The following PPFIA2 variants were observed in gnomAD, a reference collection of about 807,000 sequenced individuals.
PPFIA2 encodes the protein PPFI scaffold protein A2.
Under a neutral mutation model 175.5 loss-of-function variants are expected in PPFIA2, and 46 were observed. That is an observed-to-expected ratio of 0.26 (90% CI 0.21 to 0.34). The LOEUF (loss-of-function observed/expected upper bound fraction) is 0.34, where lower values mean the gene tolerates loss of function less well. Among genes scored for constraint, PPFIA2 ranks in the 10% least tolerant of loss-of-function variants. The probability of loss-of-function intolerance (pLI) is 1.00; values close to 1 mark genes in which losing one functional copy is unlikely to be tolerated. For synonymous variants in PPFIA2, 568 were observed against 511.4 expected (o/e 1.11, Z -1.49); for missense variants, 1,179 against 1,506.1 (o/e 0.78, Z 3.60).
intron 4 of PPFIA2, among the ~76,000 whole-genome samples, chr12:81,650,968 G>A (rs2066935182): frequency 6.6e-6 from 1 of 152,204 alleles, no homozygotes; most frequent in Admixed American, 6.5e-5. Flanking sequence ...ATGAAATTAG[G>A]TCACTGGATT....
chr12:81,573,019 G>A (rs926624108), intron 4 of PPFIA2, among the ~76,000 whole-genome samples: 2 of 151,866 alleles, frequency 1.3e-5, no homozygotes, highest in Admixed American at 6.6e-5. Flanking sequence ...TATTGAGAGA[G>A]AGAGAGAGAG....
chr12:81,758,058 A>C (rs1369662300), intron 2 of PPFIA2, among the ~76,000 whole-genome samples: 1 of 152,108 alleles, frequency 6.6e-6, no homozygotes, highest in Non-Finnish European at 1.5e-5. Flanking sequence ...TAATGGACAC[A>C]TTTTACACTT....
intron 4 of PPFIA2, among the ~76,000 whole-genome samples, chr12:81,560,914 G>T (rs2069921970): frequency 3.9e-5 from 6 of 152,096 alleles, no homozygotes; most frequent in Admixed American, 3.9e-4. Context: ...CTTCTGATCA[G>T]GGAAGAATAG....
At position 81,261,984 on chromosome 12, in the gene PPFIA2, A is replaced by T; in HGVS notation, c.3772T>A (p.Ter1258ArgextTer9). 1 of 1,604,584 alleles carries T rather than the reference A, an allele frequency of 6.2e-7. No homozygotes were observed. The highest frequency in any genetic ancestry group is 8.5e-7 in the Non-Finnish European group (1 of 1,175,752). Residue 1258 changes from the stop codon to arginine (R), a stop_lost, in exon 32 of 33, where the codon TGA (stop) becomes AGA (arginine). Coordinates refer to ENST00000549396, the MANE Select transcript of PPFIA2 (RefSeq NM_003625.5). ...DNSTVRTYSC[*>R] is the part of the protein sequence containing the mutation. ...TGCTGCCTCCTTTGAGTGGCTGGTC[A>T]ACATGAGTATGTGCGAACAGTGGAG...
chr12:81,309,405 A>T (rs913960103), intron 22 of PPFIA2, among the ~76,000 whole-genome samples: 1 of 152,120 alleles, frequency 6.6e-6, no homozygotes, highest in African/African-American at 2.4e-5. Context: ...TACAAATTCC[A>T]ATCAGTTGCT....
At chr12:81,738,058 A>G (rs2081855254) in intron 3 of PPFIA2, among the ~76,000 whole-genome samples, 1 of 151,898 alleles carries the variant, frequency 6.6e-6, no homozygotes, top group Non-Finnish European at 1.5e-5. Flanking sequence ...ATACGTTTTA[A>G]GTACATTATA....
intron 22 of PPFIA2, among the ~76,000 whole-genome samples, chr12:81,313,640 T>A (rs1035671531): frequency 6.6e-6 from 1 of 152,184 alleles, no homozygotes; most frequent in Admixed American, 6.5e-5. Flanking sequence ...GAGATAGTTT[T>A]TAGATTTTAA....
intron 4 of PPFIA2, chr12:81,598,207 T>C: frequency 1.5e-6 from 2 of 1,360,802 alleles, no homozygotes; most frequent in Non-Finnish European, 1.9e-6. Flanking sequence ...ACATTTGAAA[T>C]CTTAGCTGAA....
intron 3 of PPFIA2, among the ~76,000 whole-genome samples, chr12:81,750,238 A>T (rs931841330): frequency 7.0e-6 from 1 of 143,832 alleles, no homozygotes; most frequent in South Asian, 2.3e-4. Context: ...GCTGGGACAC[A>T]CCAAACAGTG....
chr12:81,663,404 C>G (rs1256698131), intron 4 of PPFIA2, among the ~76,000 whole-genome samples: 6 of 152,130 alleles, frequency 3.9e-5, no homozygotes. Context: ...AACAGACAAA[C>G]AGAGAGCCAA....
chr12:81,518,441 A>C (rs773471670), intron 4 of PPFIA2, among the ~76,000 whole-genome samples: 4 of 152,196 alleles, frequency 2.6e-5, no homozygotes, highest in Non-Finnish European at 5.9e-5. Flanking sequence ...CAAAGCTAGG[A>C]GTACCAAATC....
At chr12:81,388,325 T>A (rs926939444) in intron 8 of PPFIA2, among the ~76,000 whole-genome samples, 1 of 152,184 alleles carries the variant, frequency 6.6e-6, no homozygotes, top group Non-Finnish European at 1.5e-5. Context: ...ACAAACATAT[T>A]ACTGATCTCT....
intron 7 of PPFIA2, among the ~76,000 whole-genome samples, chr12:81,436,342 GC>G (rs2144774245): frequency 9.4e-6 from 1 of 106,826 alleles, no homozygotes; most frequent in East Asian, 3.4e-4. Context: ...TAAATCTGAT[GC>G]ATCAGATAAA....
At chr12:81,703,693 G>A (rs118096386) in intron 3 of PPFIA2, among the ~76,000 whole-genome samples, 393 of 151,968 alleles carry the variant, frequency 2.6e-3, no homozygotes, top group Non-Finnish European at 4.5e-3. Flanking sequence ...CCATAATCCC[G>A]TGCCTTGGCT....
At chr12:81,646,936 A>G (rs2066179349) in intron 4 of PPFIA2, among the ~76,000 whole-genome samples, 1 of 152,090 alleles carries the variant, frequency 6.6e-6, no homozygotes, top group Non-Finnish European at 1.5e-5. Context: ...GGAAGGAAAA[A>G]AAGTTCTAGT....
At position 81,754,168 on chromosome 12, in the gene PPFIA2, C is replaced by T. The variant is rs771707703; in HGVS notation, c.54G>A (p.Arg18=). Residue 18 remains arginine (R), a synonymous_variant, in exon 3 of 33, where the codon AGG becomes AGA. Coordinates refer to ENST00000549396, the MANE Select transcript of PPFIA2 (RefSeq NM_003625.5). ...AGTCCGAGCCACTGCTTTGGGACCC[C>T]CTTTGGCTCATTGGGGTGTCCTCAT... ...TINEDTPMSQ[R]GSQSSGSDSD... 6.2e-7 allele frequency: 1 copy of T among 1,611,924 alleles called. No individual in the cohort carries two copies. The highest frequency in any genetic ancestry group is 8.5e-7 in the Non-Finnish European group (1 of 1,178,936).
intron 4 of PPFIA2, among the ~76,000 whole-genome samples, chr12:81,616,475 C>T (rs1456417860): frequency 6.6e-6 from 1 of 151,888 alleles, no homozygotes; most frequent in Non-Finnish European, 1.5e-5. Flanking sequence ...GAGAATGATC[C>T]CAGCAAAACT....
intron 4 of PPFIA2, among the ~76,000 whole-genome samples, chr12:81,563,320 C>T (rs2070593539): frequency 6.6e-6 from 1 of 152,144 alleles, no homozygotes; most frequent in Non-Finnish European, 1.5e-5. Context: ...GATTTACTAA[C>T]ACGTGCTTTT....
At chr12:81,601,957 C>T (rs1469691399) in intron 4 of PPFIA2, among the ~76,000 whole-genome samples, 2 of 151,684 alleles carry the variant, frequency 1.3e-5, no homozygotes. Context: ...AATTTTATAC[C>T]ATCCCTTTTA....
Sources: gnomAD v4.1 joint callset for allele counts (sites outside exome capture counted in the v4.1 genomes callset) on GRCh38, gnomAD v4.1.1 for gene constraint, MANE v1.5 for transcripts, NCBI Gene and HGNC (gene_info 2026-07-23, HGNC 2026-07-21) for gene names.